Variants in ATXN1 observed in about 807,000 individuals in gnomAD.
ATXN1 encodes the protein ataxin-1.
Under a neutral mutation model 56.4 loss-of-function variants are expected in ATXN1, and 8 were observed. That is an observed-to-expected ratio of 0.14 (90% CI 0.08 to 0.26). The LOEUF (loss-of-function observed/expected upper bound fraction) is 0.26. ATXN1 is among the 10% of genes least tolerant of loss of function. The pLI is 1.00. For synonymous variants in ATXN1, 514 were observed against 494.6 expected, an observed-to-expected ratio of 1.04 and a Z score of -0.52; for missense variants, 987 against 1,106.5, an observed-to-expected ratio of 0.89 and a Z score of 1.53.
chr6:16,664,345 T>C (rs1019165114), intron 2 of ATXN1, among the ~76,000 whole-genome samples: 2 of 152,208 alleles, frequency 1.3e-5, no homozygotes, highest in African/African-American at 2.4e-5. Flanking sequence ...TCTCTCTAAA[T>C]AAAGTATGGA....
Position 16,328,359 on chromosome 6 carries a change from C to G in ATXN1, c.-49G>C. 6.8e-7 allele frequency: 1 copy of G among 1,470,690 alleles called. No individual in the cohort carries two copies. The highest frequency in any genetic ancestry group is 1.5e-5 in the South Asian group (1 of 67,552). 91.1% of individuals were successfully genotyped at this position (1,470,690 alleles called of 1,614,324 possible). On this transcript the variant is annotated 5_prime_UTR_variant, in exon 7 of 8. Transcript: ENST00000436367. The surrounding 1 kb of genome is among the most constrained non-coding windows in gnomAD (Gnocchi z 6.2). ...TGACTGTTTCACTGTCTGGATGGCT[C>G]TGATTTTAGTCTGATAAACGGAAAG...
At chr6:16,407,812 G>A (rs1758715822) in intron 6 of ATXN1, among the ~76,000 whole-genome samples, 1 of 152,228 alleles carries the variant, frequency 6.6e-6, no homozygotes, top group South Asian at 2.1e-4. Context: ...GGCCTGTGAA[G>A]TGGATGGATG....
chr6:16,566,171 A>G (rs893629726), intron 4 of ATXN1, among the ~76,000 whole-genome samples: 3 of 152,210 alleles, frequency 2.0e-5, no homozygotes, highest in Non-Finnish European at 4.4e-5. Context: ...AGAAATCTGT[A>G]AACTCCAACT....
At chr6:16,548,821 G>A (rs1761863131) in intron 4 of ATXN1, among the ~76,000 whole-genome samples, 1 of 152,136 alleles carries the variant, frequency 6.6e-6, no homozygotes, top group South Asian at 2.1e-4. Flanking sequence ...TACTCAGGAG[G>A]CTGAGGCAGG....
chr6:16,493,737 C>T (rs568443943), intron 5 of ATXN1, among the ~76,000 whole-genome samples: 1 of 152,290 alleles, frequency 6.6e-6, no homozygotes, highest in Admixed American at 6.5e-5. Flanking sequence ...GTCTTTGAGT[C>T]TCTGTCCTCC....
At chr6:16,335,343 C>A (rs375643604) in intron 6 of ATXN1, among the ~76,000 whole-genome samples, 1 of 152,226 alleles carries the variant, frequency 6.6e-6, no homozygotes, top group Non-Finnish European at 1.5e-5. Context: ...ACCAGAGAGG[C>A]GAGCTGGGAC....
At chr6:16,530,618 G>A (rs1366002973) in intron 4 of ATXN1, among the ~76,000 whole-genome samples, 1 of 152,128 alleles carries the variant, frequency 6.6e-6, no homozygotes, top group Non-Finnish European at 1.5e-5. Flanking sequence ...GGAGGTGGGA[G>A]GACAAAGAAG....
chr6:16,734,762 G>A (rs1174760982), intron 2 of ATXN1, among the ~76,000 whole-genome samples: 1 of 152,118 alleles, frequency 6.6e-6, no homozygotes, highest in African/African-American at 2.4e-5. Context: ...TCAAAGTGCT[G>A]GGATTACAGA....
At chr6:16,740,445 G>T (rs1760298727) in intron 2 of ATXN1, among the ~76,000 whole-genome samples, 1 of 152,158 alleles carries the variant, frequency 6.6e-6, no homozygotes, top group Non-Finnish European at 1.5e-5. Context: ...ACAGAGAAAT[G>T]ATCTGATTGT....
chr6:16,760,885 C>T lies in ATXN1; in HGVS notation c.-730+413G>A, dbSNP rs1761071027. Among the ~76,000 whole-genome samples, 1 of 148,024 alleles carries T rather than the reference C, an allele frequency of 6.8e-6. No individual in the cohort carries two copies. The highest frequency in any genetic ancestry group is 2.5e-5 in the African/African-American group (1 of 40,588). The stretch of plus-strand genomic sequence containing the variant: ...CTCTCCGCACTTGCGACCGGACCAG[C>T]AGCCGGGGGAGCGGGGCGCCGCCGC... On this transcript the variant is annotated intron_variant, in intron 1 of 7. Transcript: ENST00000436367. The surrounding 1 kb of genome is among the most constrained non-coding windows in gnomAD (Gnocchi z 5.3).
intron 2 of ATXN1, among the ~76,000 whole-genome samples, chr6:16,718,289 TG>T (rs776032512): frequency 2.6e-5 from 4 of 152,172 alleles, no homozygotes; most frequent in Non-Finnish European, 4.4e-5. Flanking sequence ...TGGGGCAAAA[TG>T]AAAGAGCATT....
intron 3 of ATXN1, among the ~76,000 whole-genome samples, chr6:16,647,630 C>T (rs1270739612): frequency 1.3e-5 from 2 of 152,080 alleles, no homozygotes; most frequent in African/African-American, 4.8e-5. Flanking sequence ...GACAGTAAAT[C>T]TTAAATGTTC....
At chr6:16,687,775 G>A (rs549356868) in intron 2 of ATXN1, among the ~76,000 whole-genome samples, 123 of 151,536 alleles carry the variant, frequency 8.1e-4, no homozygotes, top group Non-Finnish European at 1.5e-3. Flanking sequence ...AATACAAATG[G>A]CTTCTACGGT....
intron 2 of ATXN1, among the ~76,000 whole-genome samples, chr6:16,733,751 G>A (rs1347241560): frequency 6.6e-6 from 1 of 152,238 alleles, no homozygotes; most frequent in Non-Finnish European, 1.5e-5. Context: ...GGAGGCTGAG[G>A]CAGGAGAATC....
At chr6:16,515,426 C>T (rs1761163098) in intron 5 of ATXN1, among the ~76,000 whole-genome samples, 1 of 152,188 alleles carries the variant, frequency 6.6e-6, no homozygotes, top group Non-Finnish European at 1.5e-5. Flanking sequence ...ACCACTACCA[C>T]CCCCAAACCA....
In ATXN1 at chr6:16,306,302, C is replaced by G. The variant is rs1179119494; in HGVS notation, c.*27G>C. 6.4e-7 allele frequency: 1 copy of G among 1,569,558 alleles called. No homozygotes were observed. Among genetic ancestry groups the G allele is most frequent in the Admixed American group, 1.8e-5 (1 of 56,286 alleles). On this transcript the variant is annotated 3_prime_UTR_variant, in exon 8 of 8. Transcript: ENST00000436367. The surrounding 1 kb of genome is among the most constrained non-coding windows in gnomAD (Gnocchi z 5.2). ...TCTGGATACAAATGATAAGGGAGAG[C>G]CACGTTTCCTTTCCCCCACGCTGCC...
chr6:16,463,873 C>T lies in ATXN1; in HGVS notation c.-161+22099G>A, dbSNP rs552122575. 3.3e-5 allele frequency among the ~76,000 whole-genome samples: 5 copies of T among 152,296 alleles called. No individual in the cohort carries two copies. In the East Asian group the frequency reaches 5.8e-4, roughly 18 times the overall value. On this transcript the variant is annotated intron_variant, in intron 6 of 7. Transcript: ENST00000436367. ...TTGTCAAATTTGTTTCCTCCAGGAT[C>T]GATACCATCAAGCTACAGATGGTCT...
At chr6:16,331,443 T>C (rs879782678) in intron 6 of ATXN1, among the ~76,000 whole-genome samples, 14 of 152,210 alleles carry the variant, frequency 9.2e-5, no homozygotes, top group Admixed American at 1.3e-4. Context: ...CACATTTCCA[T>C]ACCAACGAGC....
chr6:16,507,781 G>GT lies in ATXN1; in HGVS notation c.-299+14845dup, dbSNP rs1455100698. 4.6e-5 allele frequency among the ~76,000 whole-genome samples: 7 copies of GT among 151,996 alleles called. No homozygotes were observed. In the East Asian group the frequency reaches 5.8e-4, roughly 13 times the overall value. ...ACCTAACAGAACTGTTTTTCCTTTT[G>GT]TTTTTTAATGGAAGAAAACAAATTT... On this transcript the variant is annotated intron_variant, in intron 5 of 7. Coordinates refer to ENST00000436367, the MANE Select transcript of ATXN1 (RefSeq NM_001128164.2).
Sources: allele counts gnomAD v4.1 joint callset (sites outside exome capture counted in the v4.1 genomes callset), GRCh38; gene constraint gnomAD v4.1.1; non-coding constraint Gnocchi (gnomAD v3.1); transcripts MANE v1.5; gene names NCBI Gene and HGNC (gene_info 2026-07-23, HGNC 2026-07-21).